The following EPHA6 variants were observed in gnomAD, a reference collection of about 807,000 sequenced individuals.
The protein encoded by EPHA6 is ephrin type-A receptor 6.
In EPHA6, 50 loss-of-function variants were observed where a neutral mutation model predicts 112.0. The observed-to-expected ratio is 0.45, with a 90% CI of 0.36 to 0.56. The LOEUF (loss-of-function observed/expected upper bound fraction) is 0.56, where lower values mean the gene tolerates loss of function less well. EPHA6 is among the 20% of genes least tolerant of loss of function. EPHA6 has a pLI of 0.00. For synonymous variants in EPHA6, 529 were observed against 490.7 expected (o/e 1.08, Z -1.03); for missense variants, 1,280 against 1,417.4 (o/e 0.90, Z 1.56).
chr3:97,209,312 A>AAC (rs147425747), intron 3 of EPHA6, among the ~76,000 whole-genome samples: 1,793 of 151,446 alleles, frequency 0.012, 19 homozygotes, highest in Non-Finnish European at 0.018. Flanking sequence ...CACACACACA[A>AAC]ACACACACAC....
At chr3:97,741,597 A>G (rs1187988452) in intron 16 of EPHA6, among the ~76,000 whole-genome samples, 1 of 152,094 alleles carries the variant, frequency 6.6e-6, no homozygotes, top group Non-Finnish European at 1.5e-5. Context: ...AAACAGAGAC[A>G]TAAAGAGGCT....
At chr3:96,931,297 T>A (rs2107657018) in intron 2 of EPHA6, among the ~76,000 whole-genome samples, 1 of 152,014 alleles carries the variant, frequency 6.6e-6, no homozygotes, top group East Asian at 1.9e-4. Context: ...AAGAAGCAGC[T>A]GCCATCTGGC....
chr3:97,384,646 T>C (rs1187850008), intron 5 of EPHA6, among the ~76,000 whole-genome samples: 1 of 152,236 alleles, frequency 6.6e-6, no homozygotes, highest in East Asian at 1.9e-4. Flanking sequence ...GAAAGGTTAA[T>C]CTAATATTTT....
At chr3:97,488,226 C>A (rs1456042908) in intron 10 of EPHA6, among the ~76,000 whole-genome samples, 1 of 152,150 alleles carries the variant, frequency 6.6e-6, no homozygotes, top group East Asian at 1.9e-4. Context: ...ATATGAAACT[C>A]ATTATGGCCT....
intron 7 of EPHA6, among the ~76,000 whole-genome samples, chr3:97,451,911 A>T (rs1023155156): frequency 1.3e-5 from 2 of 151,908 alleles, no homozygotes; most frequent in African/African-American, 4.8e-5. Context: ...GAGATGAGGT[A>T]TGGGTTGGAA....
intron 16 of EPHA6, among the ~76,000 whole-genome samples, chr3:97,745,749 T>C (rs2035684632): frequency 6.6e-6 from 1 of 151,820 alleles, no homozygotes; most frequent in Non-Finnish European, 1.5e-5. Context: ...TTTCAGAATC[T>C]TCAGGAGTTG....
chr3:97,676,713 T>C (rs1002277945), intron 14 of EPHA6, among the ~76,000 whole-genome samples: 19 of 152,100 alleles, frequency 1.2e-4, no homozygotes, highest in Admixed American at 9.2e-4. Flanking sequence ...GTTGGAATGA[T>C]TGGATTTAGA....
intron 5 of EPHA6, among the ~76,000 whole-genome samples, chr3:97,281,976 T>A (rs964337298): frequency 2.0e-5 from 3 of 152,202 alleles, no homozygotes; most frequent in Admixed American, 6.5e-5. Context: ...ACATAATAAG[T>A]GTTCAGTATG....
chr3:97,419,299 A>G (rs2107175620), intron 6 of EPHA6, among the ~76,000 whole-genome samples: 1 of 151,256 alleles, frequency 6.6e-6, no homozygotes, highest in East Asian at 2.0e-4. Flanking sequence ...GCAAAACTCC[A>G]TCACAAAAAA....
At chr3:97,351,193 G>T (rs532785197) in intron 5 of EPHA6, among the ~76,000 whole-genome samples, 1 of 152,326 alleles carries the variant, frequency 6.6e-6, no homozygotes, top group East Asian at 1.9e-4. Flanking sequence ...AGTTGATACA[G>T]TGGAAATGGG....
chr3:96,874,880 G>A lies in EPHA6; in HGVS notation c.450+7991G>A, dbSNP rs187753762. On this transcript the variant is annotated intron_variant, in intron 2 of 17. Coordinates refer to ENST00000389672, the MANE Select transcript of EPHA6 (RefSeq NM_001080448.3). ...TTAGAGTAGGGGGACTTGATGACCT[G>A]AAGTCATGTGCAAGTAACAGTTCTA... Among the ~76,000 whole-genome samples, 456 of 152,156 alleles carry A rather than the reference G, an allele frequency of 3.0e-3. 1 individual carries two copies. Among genetic ancestry groups the A allele is most frequent in the Non-Finnish European group, 5.4e-3 (368 of 67,974 alleles).
chr3:97,105,719 C>T (rs909079793), intron 3 of EPHA6, among the ~76,000 whole-genome samples: 1 of 152,062 alleles, frequency 6.6e-6, no homozygotes, highest in African/African-American at 2.4e-5. Flanking sequence ...TAATTCTCTG[C>T]CATGGTGATC....
intron 7 of EPHA6, among the ~76,000 whole-genome samples, chr3:97,472,684 G>C (rs902506628): frequency 6.6e-6 from 1 of 151,722 alleles, no homozygotes; most frequent in African/African-American, 2.4e-5. Context: ...CTATTTTGTT[G>C]CAGCCTGCAT....
chr3:96,822,783 T>C (rs1034876492), intron 1 of EPHA6, among the ~76,000 whole-genome samples: 21 of 151,136 alleles, frequency 1.4e-4, no homozygotes, highest in Middle Eastern at 3.5e-3. Flanking sequence ...GACTGTACTA[T>C]AATATACTTG....
At chr3:96,917,379 G>A (rs1454388957) in intron 2 of EPHA6, among the ~76,000 whole-genome samples, 3 of 130,280 alleles carry the variant, frequency 2.3e-5, no homozygotes, top group East Asian at 4.4e-4. Flanking sequence ...ATATCGTGCC[G>A]CTACACTCCA....
intron 11 of EPHA6, among the ~76,000 whole-genome samples, chr3:97,584,085 CT>C (rs2107302384): frequency 6.6e-6 from 1 of 152,224 alleles, no homozygotes; most frequent in South Asian, 2.1e-4. Context: ...ATTTTTGATG[CT>C]ATTTATACTA....
At chr3:97,174,271 T>A (rs151229160) in intron 3 of EPHA6, among the ~76,000 whole-genome samples, 1 of 152,114 alleles carries the variant, frequency 6.6e-6, no homozygotes, top group East Asian at 1.9e-4. Flanking sequence ...TGTGTATATG[T>A]ACTACATTTT....
At chr3:97,151,865 T>A in intron 3 of EPHA6, among the ~76,000 whole-genome samples, 1 of 152,122 alleles carries the variant, frequency 6.6e-6, no homozygotes, top group East Asian at 1.9e-4. Context: ...TTATTTTAAA[T>A]CAGTATTAAG....
In EPHA6 at chr3:97,533,579, C is replaced by T. The variant is rs566364232; in HGVS notation, c.2386+1036C>T. On this transcript the variant is annotated intron_variant, in intron 11 of 17. Transcript: ENST00000389672. ...TAATGGGGCATTTCAGTGTTCATGT[C>T]GTTGTGTAGTTTTTTCCCATATTGA... is the stretch of plus-strand genomic sequence containing the variant. 1.7e-3 allele frequency among the ~76,000 whole-genome samples: 252 copies of T among 152,124 alleles called. 2 individuals carry two copies. The highest frequency in any genetic ancestry group is 4.4e-3 in the South Asian group (21 of 4,824).
Sources: allele counts gnomAD v4.1 joint callset (sites outside exome capture counted in the v4.1 genomes callset), GRCh38; gene constraint gnomAD v4.1.1; transcripts MANE v1.5; gene names NCBI Gene and HGNC (gene_info 2026-07-23, HGNC 2026-07-21).